The following SEMA6D variants were observed in gnomAD, a reference collection of about 807,000 sequenced individuals.
The protein encoded by SEMA6D is semaphorin-6D.
Under a neutral mutation model 106.6 loss-of-function variants are expected in SEMA6D, and 35 were observed. That is an observed-to-expected ratio of 0.33 (90% CI 0.25 to 0.44). The LOEUF (loss-of-function observed/expected upper bound fraction) is 0.44. SEMA6D is among the 20% of genes least tolerant of loss of function. The pLI is 1.00. For missense variants in SEMA6D, 1,185 were observed against 1,345.9 expected, an observed-to-expected ratio of 0.88 and a Z score of 1.87; for synonymous variants, 499 against 487.7, an observed-to-expected ratio of 1.02 and a Z score of -0.31.
At position 47,771,091 on chromosome 15, in the gene SEMA6D, A is replaced by C; in HGVS notation, c.2528A>C (p.Asn843Thr). Reference sequence around the variant, plus strand: ...CATGACTACAACACGTCTTTCTCAAACTCCAATGCTCACAAAGCTGAAAAG... The same window carrying C: ...CATGACTACAACACGTCTTTCTCAACCTCCAATGCTCACAAAGCTGAAAAG... ...ATHDYNTSFS[N>T]SNAHKAEKKL... is the part of the protein sequence containing the mutation. Residue 843 changes from asparagine to threonine, a missense_variant, in exon 19 of 19, where the codon AAC becomes ACC. This residue lies in a region of SEMA6D where 750 missense variants were observed against 783.5 expected (regional missense o/e 0.96). Coordinates refer to ENST00000536845, the MANE Select transcript of SEMA6D (RefSeq NM_001358351.3). 1 of 1,614,068 alleles carries C rather than the reference A, an allele frequency of 6.2e-7. No homozygotes were observed. The highest frequency in any genetic ancestry group is 1.1e-5 in the South Asian group (1 of 91,082).
At chr15:47,506,574 C>T (rs1425073059) in intron 3 of SEMA6D, among the ~76,000 whole-genome samples, 1 of 145,944 alleles carries the variant, frequency 6.9e-6, no homozygotes, top group Admixed American at 7.1e-5. Context: ...GGCCTCCTAA[C>T]TACATGGGCA....
chr15:47,406,302 A>G (rs898864726), intron 1 of SEMA6D, among the ~76,000 whole-genome samples: 1 of 152,184 alleles, frequency 6.6e-6, no homozygotes, highest in Non-Finnish European at 1.5e-5. Context: ...TGCCTGAAGA[A>G]TTTGGAATGG....
intron 1 of SEMA6D, among the ~76,000 whole-genome samples, chr15:47,721,147 G>A (rs2079400907): frequency 6.6e-6 from 1 of 152,168 alleles, no homozygotes; most frequent in Non-Finnish European, 1.5e-5. Context: ...TTTCAATAGA[G>A]CAAAAATAGA....
At chr15:47,479,701 A>G (rs1312352550) in intron 3 of SEMA6D, among the ~76,000 whole-genome samples, 1 of 152,026 alleles carries the variant, frequency 6.6e-6, no homozygotes, top group African/African-American at 2.4e-5. Flanking sequence ...ATATTCTAGG[A>G]CTAGGGGCCA....
At chr15:47,214,459 A>G (rs1238344775) in intron 1 of SEMA6D, among the ~76,000 whole-genome samples, 1 of 152,200 alleles carries the variant, frequency 6.6e-6, no homozygotes, top group Non-Finnish European at 1.5e-5. Flanking sequence ...GTAATATAAT[A>G]ATGCTAACAG....
At chr15:47,650,819 A>G (rs2077674160) in intron 4 of SEMA6D, among the ~76,000 whole-genome samples, 1 of 152,142 alleles carries the variant, frequency 6.6e-6, no homozygotes, top group Admixed American at 6.5e-5. Context: ...AATTCATACT[A>G]CCCCACTGAG....
chr15:47,415,109 G>T (rs556487653), intron 2 of SEMA6D, among the ~76,000 whole-genome samples: 42 of 152,154 alleles, frequency 2.8e-4, no homozygotes, highest in Non-Finnish European at 5.0e-4. Flanking sequence ...TGAACATTAG[G>T]TCAAAAAAGC....
chr15:47,764,480 A>G (rs1365205603), intron 11 of SEMA6D, among the ~76,000 whole-genome samples, 158 bp from the exon 12 acceptor site: 1 of 152,108 alleles, frequency 6.6e-6, no homozygotes, highest in Non-Finnish European at 1.5e-5. Flanking sequence ...TGAATGGAGA[A>G]CCCATTGAAT....
chr15:47,528,146 G>A (rs2044825462), intron 3 of SEMA6D, among the ~76,000 whole-genome samples: 1 of 152,182 alleles, frequency 6.6e-6, no homozygotes, highest in Non-Finnish European at 1.5e-5. Flanking sequence ...AAACTTTAAT[G>A]TGGACACTGC....
rs777557315 is a variant in SEMA6D, at chr15:47,647,719, C to CAAAAAAAAAAAAAAAAAAA, written c.-55+46839_-55+46840insAAAAAAAAAAAAAAAAAAA. 3.3e-3 allele frequency among the ~76,000 whole-genome samples: 308 copies of CAAAAAAAAAAAAAAAAAAA among 93,716 alleles called. 2 individuals carry two copies. Among genetic ancestry groups the CAAAAAAAAAAAAAAAAAAA allele is most frequent in the South Asian group, 0.015 (38 of 2,602 alleles). The allele number at this position is 93,716 out of a possible 152,430, so 61.5% of individuals were successfully genotyped here. A position where few individuals can be genotyped will look rare whatever the true frequency, so the allele number is the denominator to read the frequency against. The stretch of plus-strand genomic sequence containing the variant: ...CAGGCATGCCCAATTCAATTGTGGG[C>CAAAAAAAAAAAAAAAAAAA]AAAAAAAAAAAAAAAATCAGCACTA... On this transcript the variant is annotated intron_variant, in intron 4 of 19. Coordinates refer to the SEMA6D transcript ENST00000558014.
chr15:47,590,080 C>T (rs952104552), intron 3 of SEMA6D, among the ~76,000 whole-genome samples: 8 of 152,018 alleles, frequency 5.3e-5, no homozygotes, highest in African/African-American at 1.5e-4. Context: ...CATATGCACA[C>T]GTATGTTTAT....
At chr15:47,498,490 A>G (rs1196560704) in intron 3 of SEMA6D, among the ~76,000 whole-genome samples, 1 of 151,846 alleles carries the variant, frequency 6.6e-6, no homozygotes, top group Non-Finnish European at 1.5e-5. Flanking sequence ...TGCTTTCTCA[A>G]CTCTTGTTTA....
At chr15:47,317,128 G>A (rs959112866) in intron 1 of SEMA6D, among the ~76,000 whole-genome samples, 1 of 152,120 alleles carries the variant, frequency 6.6e-6, no homozygotes, top group African/African-American at 2.4e-5. Flanking sequence ...TCTTGTGCAA[G>A]TTTTGGCGAA....
At chr15:47,708,706 TA>T (rs2078960319) in intron 4 of SEMA6D, among the ~76,000 whole-genome samples, 1 of 152,186 alleles carries the variant, frequency 6.6e-6, no homozygotes, top group African/African-American at 2.4e-5. Flanking sequence ...GAGCTCTGTC[TA>T]GTAAGTAATA....
chr15:47,770,413 G>A (rs925506844), intron 18 of SEMA6D, 84 bp from the exon 19 acceptor site: 18 of 1,145,010 alleles, frequency 1.6e-5, no homozygotes, highest in Admixed American at 6.8e-5. Context: ...TATGAAGGTC[G>A]TGTTGGCTCA....
At chr15:47,747,744 T>C (rs1304283032) in intron 1 of SEMA6D, among the ~76,000 whole-genome samples, 1 of 152,194 alleles carries the variant, frequency 6.6e-6, no homozygotes, top group East Asian at 1.9e-4. Flanking sequence ...TAAGATCAGA[T>C]CTTACAAATG....
chr15:47,600,005 G>T (rs1440344301), intron 3 of SEMA6D, among the ~76,000 whole-genome samples: 1 of 152,006 alleles, frequency 6.6e-6, no homozygotes, highest in Non-Finnish European at 1.5e-5. Flanking sequence ...TGTACCATTT[G>T]GGGAATTTTT....
At chr15:47,274,182 T>C (rs936611548) in intron 1 of SEMA6D, 12 of 152,150 alleles carry the variant, frequency 7.9e-5, no homozygotes, top group Non-Finnish European at 1.5e-4. Context: ...CCTGCTTGTT[T>C]AAGATGCTCA....
At chr15:47,749,225 GC>G (rs1339485018) in intron 1 of SEMA6D, among the ~76,000 whole-genome samples, 3 of 151,800 alleles carry the variant, frequency 2.0e-5, no homozygotes, top group Non-Finnish European at 2.9e-5. Flanking sequence ...GGGATTACAG[GC>G]ACACAGCACC....
Sources: gnomAD v4.1 joint callset for allele counts (sites outside exome capture counted in the v4.1 genomes callset) on GRCh38, gnomAD v4.1.1 for gene constraint, gnomAD v4.1.1 regional missense constraint, MANE v1.5 for transcripts, NCBI Gene and HGNC (gene_info 2026-07-23, HGNC 2026-07-21) for gene names.